Variants in DAAM1 observed in about 807,000 individuals in gnomAD.
The protein encoded by DAAM1 is disheveled-associated activator of morphogenesis 1.
A neutral mutation model predicts 130.0 loss-of-function variants in DAAM1; 52 were observed. The observed-to-expected ratio is 0.40, with a 90% CI of 0.32 to 0.50. The LOEUF is 0.50. DAAM1 is among the 20% of genes least tolerant of loss of function. The pLI, the probability that DAAM1 is intolerant of heterozygous loss-of-function variation, is 0.61. For missense variants in DAAM1, 1,134 were observed against 1,303.8 expected (o/e 0.87, Z 2.01); for synonymous variants, 452 against 444.5 (o/e 1.02, Z -0.21).
At chr14:59,340,029 A>G in intron 15 of DAAM1, 45 bp from the exon 16 acceptor site, 1 of 1,554,374 alleles carries the variant, frequency 6.4e-7, no homozygotes, top group Non-Finnish European at 8.9e-7. Context: ...TGAAGTCTGA[A>G]TGTCCCTGTT....
At chr14:59,271,688 A>C (rs555307578) in intron 2 of DAAM1, among the ~76,000 whole-genome samples, 2 of 152,188 alleles carry the variant, frequency 1.3e-5, no homozygotes, top group Non-Finnish European at 2.9e-5. Context: ...TTGTTCTTCT[A>C]CCAGCCTTGT....
intron 1 of DAAM1, among the ~76,000 whole-genome samples, chr14:59,222,691 C>G (rs1414876363): frequency 6.6e-6 from 1 of 152,238 alleles, no homozygotes; most frequent in Non-Finnish European, 1.5e-5. Flanking sequence ...AAATCCTCCT[C>G]TGCTGAAGGT....
At chr14:59,322,868 A>G (rs8021976) in intron 5 of DAAM1, 24 bp from the exon 6 acceptor site, 1,573,504 of 1,578,542 alleles carry the variant, frequency 1, 784,377 homozygotes, top group East Asian at 1. Flanking sequence ...GCACTTAAGC[A>G]TGGTGCATTT....
intron 3 of DAAM1, among the ~76,000 whole-genome samples, chr14:59,300,908 A>C (rs906395510): frequency 6.6e-6 from 1 of 152,204 alleles, no homozygotes; most frequent in African/African-American, 2.4e-5. Flanking sequence ...TATTTAAAAA[A>C]TATTGTGATG....
At chr14:59,229,985 T>C (rs1003098154) in intron 1 of DAAM1, among the ~76,000 whole-genome samples, 1 of 152,232 alleles carries the variant, frequency 6.6e-6, no homozygotes, top group African/African-American at 2.4e-5. Context: ...TAAATAAATT[T>C]AGCACTGTCA....
chr14:59,268,100 G>A (rs1882540773), intron 2 of DAAM1, among the ~76,000 whole-genome samples: 1 of 151,830 alleles, frequency 6.6e-6, no homozygotes, highest in Non-Finnish European at 1.5e-5. Flanking sequence ...ACGGGGTTTT[G>A]CCATGTTGGT....
intron 1 of DAAM1, among the ~76,000 whole-genome samples, chr14:59,239,944 C>T (rs1420135186): frequency 2.0e-5 from 3 of 152,178 alleles, no homozygotes; most frequent in Admixed American, 6.5e-5. Flanking sequence ...CCTGGAAAGT[C>T]AATCTGGCAA....
chr14:59,275,294 G>T lies in DAAM1; in HGVS notation c.183+11634G>T, dbSNP rs917388545. Reference sequence around the variant, plus strand: ...CAATGGGGCCTGTCAGAGGGTGAAGGGTGGGAGGAGGGAGAGGATCAGAAA... The same window carrying T: ...CAATGGGGCCTGTCAGAGGGTGAAGTGTGGGAGGAGGGAGAGGATCAGAAA... On this transcript the variant is annotated intron_variant, in intron 2 of 24. Coordinates refer to ENST00000360909, the MANE Select transcript of DAAM1 (RefSeq NM_001270520.2). Among the ~76,000 whole-genome samples the T allele has an allele frequency of 2.6e-5, 4 of 152,262 alleles. No homozygotes were observed. In the South Asian group the frequency reaches 8.3e-4, roughly 32 times the overall value.
intron 16 of DAAM1, among the ~76,000 whole-genome samples, chr14:59,347,250 A>G (rs1886119952): frequency 6.6e-6 from 1 of 152,206 alleles, no homozygotes; most frequent in Non-Finnish European, 1.5e-5. Context: ...ACAATTGTGT[A>G]TGGGTATTTT....
chr14:59,318,234 T>C (rs1009764255), intron 4 of DAAM1, among the ~76,000 whole-genome samples: 1 of 151,988 alleles, frequency 6.6e-6, no homozygotes, highest in Non-Finnish European at 1.5e-5. Context: ...GTATGCTTAG[T>C]GGACTGGCTT....
At chr14:59,361,125 G>A (rs945641862) in intron 22 of DAAM1, among the ~76,000 whole-genome samples, 9 of 152,170 alleles carry the variant, frequency 5.9e-5, no homozygotes, top group African/African-American at 2.2e-4. Context: ...TATCTGTAAG[G>A]CAGGATTCAT....
intron 1 of DAAM1, among the ~76,000 whole-genome samples, chr14:59,206,298 C>T (rs567858877): frequency 1.3e-5 from 2 of 151,926 alleles, no homozygotes; most frequent in African/African-American, 2.4e-5. Context: ...TTTTTTGAGA[C>T]GGAGTCTTGC....
intron 3 of DAAM1, among the ~76,000 whole-genome samples, chr14:59,296,671 T>C (rs1883966110): frequency 6.6e-6 from 1 of 152,180 alleles, no homozygotes; most frequent in Non-Finnish European, 1.5e-5. Flanking sequence ...TGACCCACCA[T>C]TGGTTACAGC....
intron 23 of DAAM1, among the ~76,000 whole-genome samples, chr14:59,367,000 A>G (rs1466689013): frequency 6.6e-6 from 1 of 152,018 alleles, no homozygotes; most frequent in Non-Finnish European, 1.5e-5. Flanking sequence ...AAACAACAAA[A>G]AAAAACTGCC....
chr14:59,214,298 A>C (rs1270119195), intron 1 of DAAM1, among the ~76,000 whole-genome samples: 2 of 152,214 alleles, frequency 1.3e-5, no homozygotes, highest in East Asian at 1.9e-4. Flanking sequence ...GAGGGATGTT[A>C]AATGTTTTGC....
chr14:59,309,750 C>T (rs922215715), intron 3 of DAAM1, among the ~76,000 whole-genome samples: 5 of 152,182 alleles, frequency 3.3e-5, no homozygotes, highest in Non-Finnish European at 4.4e-5. Context: ...CACACTTTAT[C>T]GTAGCCATCT....
At chr14:59,338,292 C>T (rs1463239550) in intron 15 of DAAM1, 2 of 1,275,318 alleles carry the variant, frequency 1.6e-6, no homozygotes, top group East Asian at 4.6e-5. Context: ...TCACTTGTTT[C>T]CTTGACTGCT....
intron 2 of DAAM1, among the ~76,000 whole-genome samples, chr14:59,278,358 A>G (rs1487689740): frequency 6.6e-6 from 1 of 152,184 alleles, no homozygotes; most frequent in Admixed American, 6.5e-5. Context: ...AGGAATGTAT[A>G]CAGCCTGAAT....
At chr14:59,326,441 A>T in intron 10 of DAAM1, 69 bp from the exon 11 acceptor site, 1 of 1,495,894 alleles carries the variant, frequency 6.7e-7, no homozygotes, top group Non-Finnish European at 9.0e-7. Flanking sequence ...GGTGACCACC[A>T]TTGACAAATA....
Sources: allele counts gnomAD v4.1 joint callset (sites outside exome capture counted in the v4.1 genomes callset), GRCh38; gene constraint gnomAD v4.1.1; transcripts MANE v1.5; gene names NCBI Gene and HGNC (gene_info 2026-07-23, HGNC 2026-07-21).